The following EYS variants were observed in gnomAD, a reference collection of about 807,000 sequenced individuals.
EYS encodes EGF-like photoreceptor maintenance factor, also known as protein eyes shut homolog.
A neutral mutation model predicts 282.1 loss-of-function variants in EYS; 250 were observed. The observed-to-expected ratio is 0.89, with a 90% CI of 0.80 to 0.98. The LOEUF (loss-of-function observed/expected upper bound fraction) is 0.98. Ranked by LOEUF, EYS falls within the 50% of genes least tolerant of loss-of-function variation. EYS has a pLI of 0.00. For synonymous variants in EYS, 1,355 were observed against 1,282.9 expected, an observed-to-expected ratio of 1.06 and a Z score of -1.20; for missense variants, 4,016 against 3,709.0, an observed-to-expected ratio of 1.08 and a Z score of -2.15.
chr6:63,788,317 T>C (rs751548817), intron 38 of EYS, 68 bp from the exon 39 acceptor site: 127 of 1,264,586 alleles, frequency 1.0e-4, no homozygotes, highest in Non-Finnish European at 1.3e-4. Context: ...TAAGATACTC[T>C]TTTGTTATTT....
At chr6:64,230,168 T>C (rs1010095741) in intron 31 of EYS, among the ~76,000 whole-genome samples, 2 of 152,170 alleles carry the variant, frequency 1.3e-5, no homozygotes, top group African/African-American at 4.8e-5. Context: ...AATGTACTAT[T>C]CTTAAACACT....
chr6:65,580,273 T>C (rs572463798), intron 2 of EYS, among the ~76,000 whole-genome samples: 12 of 152,244 alleles, frequency 7.9e-5, no homozygotes, highest in African/African-American at 2.9e-4. Flanking sequence ...AAGATTGCTT[T>C]GAAATAAAAG....
chr6:64,224,170 A>G (rs1348507685), intron 31 of EYS, among the ~76,000 whole-genome samples: 3 of 152,104 alleles, frequency 2.0e-5, no homozygotes, highest in Non-Finnish European at 4.4e-5. Context: ...GGGTTAAAAA[A>G]ATCTATACTG....
At chr6:64,288,846 C>T in intron 30 of EYS, among the ~76,000 whole-genome samples, 1 of 152,082 alleles carries the variant, frequency 6.6e-6, no homozygotes. Context: ...CTGCTAGAAA[C>T]ATAGTCGCTA....
At chr6:64,762,761 G>A (rs773394421) in intron 22 of EYS, among the ~76,000 whole-genome samples, 4 of 151,966 alleles carry the variant, frequency 2.6e-5, no homozygotes, top group African/African-American at 9.7e-5. Flanking sequence ...TTTGGTATTT[G>A]GGTCTTTTTC....
At chr6:65,427,553 G>T (rs906677110) in intron 5 of EYS, among the ~76,000 whole-genome samples, 1 of 151,894 alleles carries the variant, frequency 6.6e-6, no homozygotes. Context: ...ATAAAAAATA[G>T]AATTATTTTT....
At chr6:65,061,025 A>G (rs1773560167) in intron 12 of EYS, among the ~76,000 whole-genome samples, 1 of 151,906 alleles carries the variant, frequency 6.6e-6, no homozygotes, top group South Asian at 2.1e-4. Context: ...AATCATTAAC[A>G]AAATAATAAA....
At chr6:64,605,371 C>A (rs1391410959) in intron 24 of EYS, among the ~76,000 whole-genome samples, 5 of 151,818 alleles carry the variant, frequency 3.3e-5, no homozygotes, top group African/African-American at 1.2e-4. Context: ...ATTGGAAATA[C>A]CATTGTTTTT....
chr6:64,708,736 A>T (rs551668983), intron 22 of EYS, among the ~76,000 whole-genome samples: 5 of 152,192 alleles, frequency 3.3e-5, no homozygotes, highest in Non-Finnish European at 7.3e-5. Context: ...AACTCACTAC[A>T]TGTATAGCAT....
intron 12 of EYS, among the ~76,000 whole-genome samples, chr6:65,122,875 C>T (rs1039468059): frequency 3.9e-5 from 6 of 151,968 alleles, no homozygotes; most frequent in Non-Finnish European, 7.4e-5. Flanking sequence ...TGCAACAACA[C>T]GTTGAGTTCA....
chr6:63,815,321 G>A (rs1176316630), intron 36 of EYS, among the ~76,000 whole-genome samples: 2 of 152,164 alleles, frequency 1.3e-5, no homozygotes, highest in East Asian at 3.8e-4. Flanking sequence ...ACAGAGCTAA[G>A]AAATGACAGG....
At chr6:65,060,759 T>C (rs1208853714) in intron 12 of EYS, among the ~76,000 whole-genome samples, 1 of 144,318 alleles carries the variant, frequency 6.9e-6, no homozygotes, top group Non-Finnish European at 1.5e-5. Context: ...TATATATGTG[T>C]ATATACATGT....
At chr6:65,674,450 C>CAAAAAA (rs56958605) in intron 1 of EYS, among the ~76,000 whole-genome samples, 4 of 34,760 alleles carry the variant, frequency 1.2e-4, no homozygotes, top group African/African-American at 3.1e-4. Flanking sequence ...GACTCCGTCT[C>CAAAAAA]AAAAAAAAAA....
chr6:64,899,868 G>GA (rs998387235), intron 18 of EYS, among the ~76,000 whole-genome samples: 28 of 150,368 alleles, frequency 1.9e-4, no homozygotes, highest in Middle Eastern at 3.4e-3. Context: ...CACATTATTA[G>GA]AAAAAAAAAC....
chr6:64,622,797 G>T (rs1767488506), intron 23 of EYS, among the ~76,000 whole-genome samples: 1 of 152,108 alleles, frequency 6.6e-6, no homozygotes, highest in Admixed American at 6.6e-5. Context: ...TGTAAGATAA[G>T]ATAATGGCAT....
intron 22 of EYS, among the ~76,000 whole-genome samples, chr6:64,765,688 A>C (rs1252500862): frequency 6.6e-6 from 1 of 152,176 alleles, no homozygotes; most frequent in African/African-American, 2.4e-5. Flanking sequence ...CACCTTCTTC[A>C]CATGGTGGCA....
intron 22 of EYS, chr6:64,713,375 C>A (rs1771272672): frequency 6.6e-6 from 1 of 152,186 alleles, no homozygotes; most frequent in Non-Finnish European, 1.5e-5. Flanking sequence ...AGATTCCTTT[C>A]ATGATGCTGT....
chr6:64,737,265 T>C (rs1772214747), intron 22 of EYS, among the ~76,000 whole-genome samples: 1 of 152,258 alleles, frequency 6.6e-6, no homozygotes, highest in Admixed American at 6.5e-5. Context: ...TTGATATCAG[T>C]ATTCTTTTCT....
chr6:64,402,537 C>A (rs966872226), intron 28 of EYS, among the ~76,000 whole-genome samples: 1 of 152,262 alleles, frequency 6.6e-6, no homozygotes, highest in South Asian at 2.1e-4. Flanking sequence ...TAAATGGCAC[C>A]TCCTTCTATC....
Sources: gnomAD v4.1 joint callset for allele counts (sites outside exome capture counted in the v4.1 genomes callset) on GRCh38, gnomAD v4.1.1 for gene constraint, MANE v1.5 for transcripts, NCBI Gene and HGNC (gene_info 2026-07-23, HGNC 2026-07-21) for gene names.